The following OCM variants were observed in gnomAD, a reference collection of about 807,000 sequenced individuals.
OCM encodes oncomodulin-1.
In OCM, 18 loss-of-function variants were observed where a neutral mutation model predicts 14.1. The observed-to-expected ratio is 1.28, with a 90% CI of 0.88 to 1.89. The LOEUF (loss-of-function observed/expected upper bound fraction) is 1.89, where lower values mean the gene tolerates loss of function less well. Ranked by LOEUF, OCM falls within the 40% of genes most tolerant of loss-of-function variation. OCM has a pLI of 0.00. For synonymous variants in OCM, 48 were observed against 51.0 expected (o/e 0.94, Z 0.25); for missense variants, 140 against 137.6 (o/e 1.02, Z -0.09).
chr7:5,881,531 AAGGT>A (rs1781216249), intron 1 of OCM, among the ~76,000 whole-genome samples: 1 of 151,778 alleles, frequency 6.6e-6, no homozygotes, highest in South Asian at 2.1e-4. Flanking sequence ...TCTGGAAACT[AAGGT>A]AGGAGGATCA....
chr7:5,879,336 G>C (rs537436659), upstream of OCM, among the ~76,000 whole-genome samples: 3 of 152,214 alleles, frequency 2.0e-5, no homozygotes, highest in African/African-American at 7.2e-5. Context: ...GCAATTTATG[G>C]TATAGCTGGG....
At chr7:5,874,415 A>T in the OCM span, among the ~76,000 whole-genome samples, 191 of 151,756 alleles carry the variant, frequency 1.3e-3, 2 homozygotes, top group African/African-American at 4.2e-3. Context: ...TATAAACAAC[A>T]TATCATTATG....
At chr7:5,861,042 C>G in the OCM span, among the ~76,000 whole-genome samples, 14 of 151,974 alleles carry the variant, frequency 9.2e-5, no homozygotes, top group Non-Finnish European at 1.6e-4. Context: ...CTAATGCTGA[C>G]ACCAAATGTG....
At chr7:5,868,502 G>T in the OCM span, among the ~76,000 whole-genome samples, 1 of 152,082 alleles carries the variant, frequency 6.6e-6, no homozygotes, top group Non-Finnish European at 1.5e-5. Context: ...GTGAGCTCAC[G>T]AAGACACAGC....
the OCM span, among the ~76,000 whole-genome samples, chr7:5,864,615 C>A: frequency 6.6e-6 from 1 of 152,134 alleles, no homozygotes; most frequent in South Asian, 2.1e-4. Context: ...AAAGACCACA[C>A]CCAGGCACTT....
At position 5,882,521 on chromosome 7, in the gene OCM, C is replaced by A. The variant is rs780399663; in HGVS notation, c.90C>A (p.Phe30Leu). 2.5e-6 allele frequency: 4 copies of A among 1,614,062 alleles called. No homozygotes were observed. The highest frequency in any genetic ancestry group is 3.4e-6 in the Non-Finnish European group (4 of 1,180,022). The stretch of plus-strand genomic sequence containing the variant: ...CAGACACTTTTGAACCCCAAAAATT[C>A]TTCCAGACATCAGGCCTCTCCAAGA... The part of the protein sequence containing the change: ...RDPDTFEPQK[F>L]FQTSGLSKMS... Residue 30 changes from phenylalanine (F) to leucine (L), a missense_variant, in exon 2 of 4, where the codon TTC becomes TTA. Transcript: ENST00000242104.
chr7:5,863,929 C>T, the OCM span, among the ~76,000 whole-genome samples: 3 of 151,996 alleles, frequency 2.0e-5, no homozygotes, highest in African/African-American at 4.8e-5. Context: ...GGACACTCTC[C>T]TCTGGTCGTT....
chr7:5,880,746 G>A (rs56179236), upstream of OCM: 105,918 of 686,754 alleles, frequency 0.15, 8,961 homozygotes, highest in Middle Eastern at 0.22. Context: ...GTGACAGAGT[G>A]AGACTCCGTC....
chr7:5,885,844 C>A (rs1781324003), intron 3 of OCM, among the ~76,000 whole-genome samples: 1 of 152,098 alleles, frequency 6.6e-6, no homozygotes, highest in African/African-American at 2.4e-5. Flanking sequence ...CTCATGATGT[C>A]ATGATCCACC....
upstream of OCM, among the ~76,000 whole-genome samples, chr7:5,875,536 G>A (rs145556027): frequency 6.6e-6 from 1 of 152,090 alleles, no homozygotes; most frequent in East Asian, 1.9e-4. Flanking sequence ...TCGAATTCCT[G>A]GGCCCAAGCA....
upstream of OCM, among the ~76,000 whole-genome samples, chr7:5,875,282 C>G (rs1410935732): frequency 3.3e-5 from 5 of 152,028 alleles, 1 homozygote; most frequent in South Asian, 1.0e-3. Context: ...GTCTCGAACT[C>G]CGGACCTCAG....
the OCM span, among the ~76,000 whole-genome samples, chr7:5,860,365 C>CATAT: frequency 0.031 from 4,219 of 137,224 alleles, 91 homozygotes; most frequent in Non-Finnish European, 0.045. Flanking sequence ...TATATATATG[C>CATAT]ATATATATAT....
upstream of OCM, among the ~76,000 whole-genome samples, chr7:5,878,051 A>G (rs1357388858): frequency 4.0e-5 from 6 of 149,066 alleles, no homozygotes; most frequent in Non-Finnish European, 7.4e-5. Flanking sequence ...GCTCACTGCA[A>G]CCTCCAACTC....
At chr7:5,864,938 CA>C in the OCM span, among the ~76,000 whole-genome samples, 80 of 143,584 alleles carry the variant, frequency 5.6e-4, no homozygotes, top group East Asian at 1.6e-3. Flanking sequence ...AACTCCCTCT[CA>C]AAAAAAAAAA....
the OCM span, among the ~76,000 whole-genome samples, chr7:5,860,422 T>C: frequency 1.4e-5 from 2 of 142,918 alleles, no homozygotes; most frequent in Admixed American, 7.6e-5. Context: ...ATATATATAT[T>C]ACGTATATAT....
the OCM span, among the ~76,000 whole-genome samples, chr7:5,871,112 C>G: frequency 6.6e-6 from 1 of 151,836 alleles, no homozygotes; most frequent in Admixed American, 6.6e-5. Context: ...TTTGGGAGGC[C>G]AAAGCGGGAG....
upstream of OCM, among the ~76,000 whole-genome samples, chr7:5,875,345 C>T (rs896932593): frequency 3.3e-5 from 5 of 152,054 alleles, no homozygotes; most frequent in African/African-American, 9.7e-5. Flanking sequence ...GTGTAAGCCA[C>T]GGCGCCCGGC....
chr7:5,884,418 C>T (rs757647222), intron 3 of OCM, among the ~76,000 whole-genome samples: 1 of 152,172 alleles, frequency 6.6e-6, no homozygotes, highest in Non-Finnish European at 1.5e-5. Flanking sequence ...GCGTAGGAAG[C>T]CCTCTTCGTC....
the OCM span, among the ~76,000 whole-genome samples, chr7:5,871,383 G>A: frequency 6.6e-6 from 1 of 151,792 alleles, no homozygotes; most frequent in Admixed American, 6.6e-5. Context: ...TAAAGAGGTA[G>A]GGGTCTCACT....
Sources: gnomAD v4.1 joint callset for allele counts (sites outside exome capture counted in the v4.1 genomes callset) on GRCh38, gnomAD v4.1.1 for gene constraint, MANE v1.5 for transcripts, NCBI Gene and HGNC (gene_info 2026-07-23, HGNC 2026-07-21) for gene names.